The following GULP1 variants were observed in gnomAD, a reference collection of about 807,000 sequenced individuals.
GULP1 encodes PTB domain-containing engulfment adapter protein 1.
Under a neutral mutation model 40.9 loss-of-function variants are expected in GULP1, and 19 were observed. The ratio of observed to expected loss-of-function variants is 0.46; its 90% confidence interval spans 0.32 to 0.68. The LOEUF is 0.68. Ranked by LOEUF, GULP1 falls within the 30% of genes least tolerant of loss-of-function variation. The probability of loss-of-function intolerance (pLI) is 0.03; values close to 1 mark genes in which losing one functional copy is unlikely to be tolerated. For missense variants in GULP1, 312 were observed against 362.2 expected (o/e 0.86, Z 1.12); for synonymous variants, 119 against 117.6 (o/e 1.01, Z -0.08).
intron 4 of GULP1, among the ~76,000 whole-genome samples, chr2:188,513,523 G>T (rs1383378299): frequency 6.6e-6 from 1 of 152,026 alleles, no homozygotes; most frequent in African/African-American, 2.4e-5. Flanking sequence ...AATGTAAATT[G>T]AAAAGATAAT....
chr2:188,419,836 G>A (rs144960848), intron 2 of GULP1, among the ~76,000 whole-genome samples: 24 of 152,160 alleles, frequency 1.6e-4, no homozygotes, highest in East Asian at 5.8e-4. Flanking sequence ...ATTTTGAGTC[G>A]TATGTTTAAG....
intron 7 of GULP1, among the ~76,000 whole-genome samples, chr2:188,543,129 G>T: frequency 6.6e-6 from 1 of 151,744 alleles, no homozygotes; most frequent in East Asian, 1.9e-4. Context: ...TGTTCTCCTT[G>T]GATATAGCGT....
chr2:188,388,126 C>T (rs12693498), intron 2 of GULP1, among the ~76,000 whole-genome samples: 43 of 149,716 alleles, frequency 2.9e-4, no homozygotes, highest in African/African-American at 9.8e-4. Context: ...TGAGAACATG[C>T]GGTGTTTGGT....
rs1223846539 is a variant in GULP1, at chr2:188,541,198, C to T, written c.279C>T (p.Cys93=). The T allele has an allele frequency of 6.2e-7, 1 of 1,612,622 alleles. No individual in the cohort carries two copies. Among genetic ancestry groups the T allele is most frequent in the East Asian group, 2.2e-5 (1 of 44,808 alleles). The stretch of plus-strand genomic sequence containing the variant: ...GTTCACAGGAAGTTCAACACAATTG[C>T]CAGCTTCATAGAATATCTTTTTGTG... ...EPKTKEVQHN[C]QLHRISFCAD... is the part of the protein sequence containing the mutation. Residue 93 remains cysteine (C), a synonymous_variant, in exon 7 of 12, where the codon TGC becomes TGT. Coordinates refer to ENST00000409830, the MANE Select transcript of GULP1 (RefSeq NM_016315.4).
chr2:188,323,672 GTGTGTGTGTGTGTGTGTA>G (rs767753345), intron 1 of GULP1, among the ~76,000 whole-genome samples: 17,455 of 143,814 alleles, frequency 0.12, 1,131 homozygotes, highest in Middle Eastern at 0.16. Flanking sequence ...GTGTGTGTGT[GTGTGTGTGTGTGTGTGTA>G]TGTGTGTACA....
chr2:188,396,641 C>T (rs1463789329), intron 2 of GULP1, among the ~76,000 whole-genome samples: 1 of 152,198 alleles, frequency 6.6e-6, no homozygotes, highest in Non-Finnish European at 1.5e-5. Context: ...CCCAGTCTGC[C>T]GGCAAAGCTG....
chr2:188,453,979 A>G (rs2059045395), intron 2 of GULP1, among the ~76,000 whole-genome samples: 1 of 152,128 alleles, frequency 6.6e-6, no homozygotes, highest in South Asian at 2.1e-4. Context: ...TCTGGTAATG[A>G]TGCAGGGTTT....
At chr2:188,394,389 CT>C (rs2050938715) in intron 2 of GULP1, among the ~76,000 whole-genome samples, 1 of 151,910 alleles carries the variant, frequency 6.6e-6, no homozygotes, top group Non-Finnish European at 1.5e-5. Context: ...GTTGGGTTTT[CT>C]TTAAAATATC....
chr2:188,350,332 T>C (rs572527947), intron 1 of GULP1, among the ~76,000 whole-genome samples: 1 of 152,216 alleles, frequency 6.6e-6, no homozygotes, highest in Admixed American at 6.5e-5. Flanking sequence ...TGTATAAGCC[T>C]AGGGTATATT....
chr2:188,334,716 A>C (rs1194469180), intron 1 of GULP1, among the ~76,000 whole-genome samples: 1 of 152,234 alleles, frequency 6.6e-6, no homozygotes, highest in African/African-American at 2.4e-5. Flanking sequence ...TCTCTAGGCA[A>C]CTATTTGTAT....
chr2:188,513,716 A>T (rs907770226), intron 4 of GULP1, among the ~76,000 whole-genome samples: 2 of 152,106 alleles, frequency 1.3e-5, no homozygotes, highest in African/African-American at 4.8e-5. Context: ...CAAGCACACA[A>T]TTGTGCAAGA....
chr2:188,567,907 A>T (rs1248799024), intron 7 of GULP1, among the ~76,000 whole-genome samples: 1 of 152,182 alleles, frequency 6.6e-6, no homozygotes, highest in Non-Finnish European at 1.5e-5. Flanking sequence ...TATTACAAAT[A>T]ATCTTAATAT....
intron 1 of GULP1, among the ~76,000 whole-genome samples, chr2:188,360,757 A>T (rs2045965756): frequency 6.6e-6 from 1 of 152,140 alleles, no homozygotes; most frequent in African/African-American, 2.4e-5. Flanking sequence ...TGACATGCTT[A>T]TGTGAATACA....
At chr2:188,493,538 C>T (rs1196056863) in intron 4 of GULP1, among the ~76,000 whole-genome samples, 10 of 152,046 alleles carry the variant, frequency 6.6e-5, no homozygotes, top group African/African-American at 2.4e-4. Context: ...CTCTTGATGA[C>T]TTTCCTGCCT....
chr2:188,408,716 C>T (rs1295954157), intron 2 of GULP1, among the ~76,000 whole-genome samples: 2 of 152,140 alleles, frequency 1.3e-5, no homozygotes, highest in African/African-American at 4.8e-5. Flanking sequence ...TCAGCATACA[C>T]ATTTTTCTCA....
chr2:188,555,147 T>C (rs1694429546), intron 7 of GULP1, among the ~76,000 whole-genome samples: 1 of 152,160 alleles, frequency 6.6e-6, no homozygotes, highest in African/African-American at 2.4e-5. Context: ...GTCAGTGTTA[T>C]TATTGCTAGG....
intron 9 of GULP1, among the ~76,000 whole-genome samples, chr2:188,578,363 T>C (rs946006722): frequency 6.6e-6 from 1 of 151,512 alleles, no homozygotes; most frequent in African/African-American, 2.4e-5. Context: ...CACTACTTAC[T>C]GAAAAAAAAG....
chr2:188,297,653 C>A, intron 1 of GULP1: 1 of 352,998 alleles, frequency 2.8e-6, no homozygotes, highest in Non-Finnish European at 5.7e-6. Context: ...TTCAGTCTAC[C>A]CTCTTATAGA....
rs192834031 is a variant in GULP1 at position 188,454,877 on chromosome 2, G to A, written c.-44-22782G>A. 9.2e-5 allele frequency among the ~76,000 whole-genome samples: 14 copies of A among 152,202 alleles called. No homozygotes were observed. The East Asian group carries it at 9.7e-4, about 10-fold the overall frequency. ...GGAGTTTCATGCCTATAATTGCAGC[G>A]CTTTGGGAGGCGGACATGGGAGGGA... On this transcript the variant is annotated intron_variant, in intron 2 of 11. Transcript: ENST00000409830.
Sources: gnomAD v4.1 joint callset for allele counts (sites outside exome capture counted in the v4.1 genomes callset) on GRCh38, gnomAD v4.1.1 for gene constraint, MANE v1.5 for transcripts, NCBI Gene and HGNC (gene_info 2026-07-23, HGNC 2026-07-21) for gene names.